Variants in NSUN6 observed in about 807,000 individuals in gnomAD.
NSUN6 encodes the protein NOP2/Sun RNA methyltransferase 6, also known as tRNA (cytosine(72)-C(5))-methyltransferase NSUN6.
NSUN6 carries 64 observed loss-of-function variants against 58.0 expected under a neutral mutation model. The observed-to-expected ratio is 1.10, with a 90% CI of 0.90 to 1.36. NSUN6 has a LOEUF of 1.36. Ranked by LOEUF, NSUN6 falls within the 40% of genes most tolerant of loss-of-function variation. The probability of loss-of-function intolerance (pLI) is 0.00; values close to 1 mark genes in which losing one functional copy is unlikely to be tolerated. For synonymous variants in NSUN6, 231 were observed against 193.9 expected, an observed-to-expected ratio of 1.19 and a Z score of -1.59; for missense variants, 701 against 550.1, an observed-to-expected ratio of 1.27 and a Z score of -2.74.
chr10:18,640,908 C>T (rs2059372413), intron 3 of NSUN6, among the ~76,000 whole-genome samples: 1 of 151,226 alleles, frequency 6.6e-6, no homozygotes, highest in Non-Finnish European at 1.5e-5. Flanking sequence ...CTTTTATTTC[C>T]CCCCTCTCTC....
intron 3 of NSUN6, among the ~76,000 whole-genome samples, chr10:18,622,096 T>C (rs1200895557): frequency 6.6e-6 from 1 of 152,022 alleles, no homozygotes; most frequent in Non-Finnish European, 1.5e-5. Flanking sequence ...CTTAAAGTGC[T>C]TGTTATGGAT....
intron 8 of NSUN6, among the ~76,000 whole-genome samples, chr10:18,566,362 C>T (rs2055943093): frequency 1.4e-5 from 2 of 145,882 alleles, no homozygotes; most frequent in Admixed American, 6.9e-5. Flanking sequence ...ATCCATTCCA[C>T]TCCACATTCC....
chr10:18,651,197 T>C lies in NSUN6; in HGVS notation c.7A>G (p.Ile3Val), dbSNP rs370071960. Residue 3 changes from isoleucine to valine, a missense_variant, in exon 1 of 11, where the codon ATT becomes GTT. By Grantham distance (29) the Ile-to-Val change is conservative. Coordinates refer to ENST00000377304, the MANE Select transcript of NSUN6 (RefSeq NM_182543.5). ...GGTCTCAAAGATATCTTAGGGAAAA[T>C]AGACATTTTTCCTGTTGTTTAGTTC... MS[I>V]FPKISLRPEV... The C allele has an allele frequency of 4.5e-6, 7 of 1,564,574 alleles. No homozygotes were observed. The highest frequency in any genetic ancestry group is 2.4e-5 in the South Asian group (2 of 82,942).
intron 9 of NSUN6, among the ~76,000 whole-genome samples, chr10:18,548,576 G>C (rs2054426579): frequency 6.6e-6 from 1 of 152,026 alleles, no homozygotes; most frequent in Non-Finnish European, 1.5e-5. Context: ...CTACTTAAAT[G>C]TTCAGTTGGC....
chr10:18,572,114 C>T (rs2056399853), intron 8 of NSUN6, among the ~76,000 whole-genome samples: 1 of 150,964 alleles, frequency 6.6e-6, no homozygotes, highest in Non-Finnish European at 1.5e-5. Flanking sequence ...TTCACTCTCC[C>T]TTCCAGTTCA....
At chr10:18,636,785 G>A (rs1209261517) in intron 3 of NSUN6, among the ~76,000 whole-genome samples, 3 of 151,714 alleles carry the variant, frequency 2.0e-5, no homozygotes, top group Non-Finnish European at 2.9e-5. Context: ...CCAGCTACTC[G>A]GGAGGCTGAG....
At chr10:18,548,846 G>A (rs1215054724) in intron 9 of NSUN6, among the ~76,000 whole-genome samples, 1 of 151,978 alleles carries the variant, frequency 6.6e-6, no homozygotes, top group East Asian at 1.9e-4. Context: ...AGAATCTCAG[G>A]TCCCAAACCT....
chr10:18,621,928 T>G (rs894339190), intron 3 of NSUN6, among the ~76,000 whole-genome samples: 1 of 152,194 alleles, frequency 6.6e-6, no homozygotes, highest in Non-Finnish European at 1.5e-5. Context: ...AATACTTCTT[T>G]GCAGCAGGAC....
At chr10:18,568,483 T>C (rs2056127307) in intron 8 of NSUN6, among the ~76,000 whole-genome samples, 1 of 150,964 alleles carries the variant, frequency 6.6e-6, no homozygotes, top group South Asian at 2.1e-4. Context: ...TGCATTCCAT[T>C]CTATTCTCCA....
At chr10:18,600,351 G>T (rs1256212839) in intron 6 of NSUN6, among the ~76,000 whole-genome samples, 1 of 152,230 alleles carries the variant, frequency 6.6e-6, no homozygotes, top group Non-Finnish European at 1.5e-5. Flanking sequence ...GAGGCCGGTT[G>T]TGGTGGCTCA....
intron 8 of NSUN6, among the ~76,000 whole-genome samples, chr10:18,584,078 G>A (rs12243188): frequency 1.3e-5 from 2 of 152,048 alleles, no homozygotes; most frequent in African/African-American, 4.8e-5. Context: ...ACTGGCCAGC[G>A]AACTTTCACC....
At chr10:18,649,748 C>A (rs1342592593) in intron 1 of NSUN6, among the ~76,000 whole-genome samples, 1 of 152,088 alleles carries the variant, frequency 6.6e-6, no homozygotes, top group South Asian at 2.1e-4. Flanking sequence ...GAGGCAGTGT[C>A]AAAGAAAGAC....
At chr10:18,560,846 ATGG>A (rs1441102254) in intron 8 of NSUN6, among the ~76,000 whole-genome samples, 1 of 150,974 alleles carries the variant, frequency 6.6e-6, no homozygotes, top group Admixed American at 6.6e-5. Context: ...AGAGAATGGA[ATGG>A]GGTGCAGTGG....
At position 18,627,550 on chromosome 10, in the gene NSUN6, G is replaced by A. The variant is rs191051687; in HGVS notation, c.312-11257C>T. 1.2e-3 allele frequency among the ~76,000 whole-genome samples: 179 copies of A among 152,322 alleles called. 1 individual carries two copies. Among genetic ancestry groups the A allele is most frequent in the Non-Finnish European group, 2.0e-3 (137 of 68,022 alleles). On this transcript the variant is annotated intron_variant, in intron 3 of 10. Coordinates refer to ENST00000377304, the MANE Select transcript of NSUN6 (RefSeq NM_182543.5). The stretch of plus-strand genomic sequence containing the variant: ...AGACAGTGGGCGCAGGTCAGTGGGT[G>A]CGCGCACCGTGCCCGAGCCAAAGCA...
At chr10:18,563,607 T>G (rs149164012) in intron 8 of NSUN6, among the ~76,000 whole-genome samples, 1 of 150,604 alleles carries the variant, frequency 6.6e-6, no homozygotes, top group Non-Finnish European at 1.5e-5. Context: ...TCCATTCCAT[T>G]GCTTTTTCTA....
chr10:18,595,483 A>C (rs1488247160), intron 7 of NSUN6, among the ~76,000 whole-genome samples: 1 of 152,242 alleles, frequency 6.6e-6, no homozygotes, highest in Non-Finnish European at 1.5e-5. Flanking sequence ...ATTTGCATTA[A>C]ACATCACAAC....
At chr10:18,586,462 G>A (rs952450420) in intron 7 of NSUN6, among the ~76,000 whole-genome samples, 3 of 152,198 alleles carry the variant, frequency 2.0e-5, no homozygotes, top group African/African-American at 4.8e-5. Context: ...CGCAGTGAGT[G>A]TTACACCTCT....
At chr10:18,618,556 C>T (rs1408169299) in intron 3 of NSUN6, among the ~76,000 whole-genome samples, 2 of 151,912 alleles carry the variant, frequency 1.3e-5, no homozygotes, top group Non-Finnish European at 2.9e-5. Flanking sequence ...GTGGCGCATG[C>T]CTGTAATCCC....
chr10:18,546,114 C>G lies in NSUN6; in HGVS notation c.1229G>C (p.Gly410Ala). 1.2e-6 allele frequency: 2 copies of G among 1,613,460 alleles called. No homozygotes were observed. Among genetic ancestry groups the G allele is most frequent in the Non-Finnish European group, 1.7e-6 (2 of 1,179,578 alleles). ...EPQIGGEGMR[G>A]AGLSCEQLKQ... is the part of the protein sequence containing the mutation. ...CAACTGTTCACATGAGAGCCCAGCT[C>G]CCCTCATTCCTTCTCCTCCAATCTG... The change falls in exon 11 of 11, where the codon GGA becomes GCA. Residue 410 changes from glycine (G) to alanine (A), a missense_variant. By Grantham distance (60) the Gly-to-Ala change is moderately conservative (BLOSUM62 0). Transcript: ENST00000377304.
Sources: allele counts gnomAD v4.1 joint callset (sites outside exome capture counted in the v4.1 genomes callset), GRCh38; gene constraint gnomAD v4.1.1; transcripts MANE v1.5; gene names NCBI Gene and HGNC (gene_info 2026-07-23, HGNC 2026-07-21).